Variants in FUCA2 observed in about 807,000 individuals in gnomAD.
FUCA2 encodes alpha-L-fucosidase 2.
In FUCA2, 41 loss-of-function variants were observed where a neutral mutation model predicts 52.6. That is an observed-to-expected ratio of 0.78 (90% CI 0.61 to 1.01). FUCA2 has a LOEUF of 1.01. Among genes scored for constraint, FUCA2 ranks in the 50% least tolerant of loss-of-function variants. The probability of loss-of-function intolerance (pLI) is 0.00; values close to 1 mark genes in which losing one functional copy is unlikely to be tolerated. For missense variants in FUCA2, 507 were observed against 569.5 expected (o/e 0.89, Z 1.12); for synonymous variants, 211 against 217.3 (o/e 0.97, Z 0.26).
In FUCA2 at chr6:143,503,739, C is replaced by A; in HGVS notation, c.752+174G>T. 1.8e-6 allele frequency: 1 copy of A among 543,726 alleles called. No homozygotes were observed. The highest frequency in any genetic ancestry group is 3.2e-6 in the Non-Finnish European group (1 of 315,434). 33.7% of individuals were successfully genotyped at this position (543,726 alleles called of 1,614,324 possible). ...GGATTTTACTCCTGATTTATTTACC[C>A]TTGATTATGTTGAGTAAATAGTGAT... On this transcript the variant is annotated intron_variant, in intron 3 of 6. Coordinates refer to ENST00000002165, the MANE Select transcript of FUCA2 (RefSeq NM_032020.5). This position sits in a 1 kb window ranked among gnomAD's most constrained non-coding sequence, Gnocchi z 4.8.
In FUCA2 at chr6:143,511,420, T is replaced by G; in HGVS notation, c.215A>C (p.Glu72Ala). ...AAGGGAGCGCACTCACCAGAACCACTCGCTACCGAAGCTGGGCACGGAAAA... is the reference window on the plus strand; with the variant it reads ...AAGGGAGCGCACTCACCAGAACCACGCGCTACCGAAGCTGGGCACGGAAAA... ...GVFSVPSFGSEWFWWYWQKEK... is the reference protein window; with the variant it reads ...GVFSVPSFGSAWFWWYWQKEK... Residue 72 changes from glutamate to alanine, a missense_variant, in exon 1 of 7, where the codon GAG becomes GCG. Transcript: ENST00000002165. The surrounding 1 kb of genome is among the most constrained non-coding windows in gnomAD (Gnocchi z 6.3). 6.2e-7 allele frequency: 1 copy of G among 1,610,928 alleles called. No individual in the cohort carries two copies. The highest frequency in any genetic ancestry group is 8.5e-7 in the Non-Finnish European group (1 of 1,178,402).
rs2128422184 is a variant in FUCA2, at chr6:143,504,339, T to C, written c.413-87A>G. On this transcript the variant is annotated intron_variant, in intron 2 of 6. Transcript: ENST00000002165. This position sits in a 1 kb window ranked among gnomAD's most constrained non-coding sequence, Gnocchi z 4.4. Reference sequence around the variant, plus strand: ...CACACAAATGCCCAAACAAATCACATAGTACATGCGATATATAAATACCTG... The same window carrying C: ...CACACAAATGCCCAAACAAATCACACAGTACATGCGATATATAAATACCTG... The C allele has an allele frequency of 2.7e-6, 3 of 1,095,556 alleles. No individual in the cohort carries two copies. The highest frequency in any genetic ancestry group is 1.5e-5 in the South Asian group (1 of 66,542). The allele number at this position is 1,095,556 out of a possible 1,614,324, so 67.9% of individuals were successfully genotyped here.
rs1780433677 is a variant in FUCA2, at chr6:143,494,833, T to C, written c.*874A>G. ...TTTGTACATTTGCACAATGAGTTTA[T>C]GTTTTAAGCTAAGTGTTATTACAAA... On this transcript the variant is annotated 3_prime_UTR_variant, in exon 7 of 7. Coordinates refer to ENST00000002165, the MANE Select transcript of FUCA2 (RefSeq NM_032020.5). This position sits in a 1 kb window ranked among gnomAD's most constrained non-coding sequence, Gnocchi z 6.6. 6.6e-6 allele frequency: 1 copy of C among 152,244 alleles called. No homozygotes were observed. The highest frequency in any genetic ancestry group is 2.1e-4 in the South Asian group (1 of 4,830). 9.4% of individuals were successfully genotyped at this position (152,244 alleles called of 1,614,324 possible). A position where few individuals can be genotyped will look rare whatever the true frequency, so the allele number is the denominator to read the frequency against.
Position 143,497,580 on chromosome 6 carries a change from A to G in FUCA2, c.1155-83T>C, listed in dbSNP as rs550604414. 6.5e-5 allele frequency: 46 copies of G among 709,862 alleles called. No homozygotes were observed. The highest frequency in any genetic ancestry group is 4.5e-4 in the African/African-American group (25 of 56,062). 44.0% of individuals were successfully genotyped at this position (709,862 alleles called of 1,614,324 possible). A position where few individuals can be genotyped will look rare whatever the true frequency, so the allele number is the denominator to read the frequency against. ...TATTTATGGATCAGGAACAATCTGG[A>G]ATTATTTTACAGATACTTCCACAAT... On this transcript the variant is annotated intron_variant, in intron 5 of 6. Transcript: ENST00000002165. This position sits in a 1 kb window ranked among gnomAD's most constrained non-coding sequence, Gnocchi z 5.3.
In FUCA2 at chr6:143,504,349, GAT is replaced by G; in HGVS notation, c.413-99_413-98del. ...CCCAAACAAATCACATAGTACATGC[GAT>G]ATATAAATACCTGCTCCTACAAATG... On this transcript the variant is annotated intron_variant, in intron 2 of 6. Transcript: ENST00000002165. This position sits in a 1 kb window ranked among gnomAD's most constrained non-coding sequence, Gnocchi z 4.4. 1.0e-6 allele frequency: 1 copy of G among 987,682 alleles called. No individual in the cohort carries two copies. The highest frequency in any genetic ancestry group is 1.6e-5 in the South Asian group (1 of 62,232). 61.2% of individuals were successfully genotyped at this position (987,682 alleles called of 1,614,324 possible). A position where few individuals can be genotyped will look rare whatever the true frequency, so the allele number is the denominator to read the frequency against.
chr6:143,504,714 T>C lies in FUCA2; in HGVS notation c.413-462A>G, dbSNP rs1326104912. 3 of 154,024 alleles carry C rather than the reference T, an allele frequency of 1.9e-5. No individual in the cohort carries two copies. Among genetic ancestry groups the C allele is most frequent in the Admixed American group, 1.9e-4 (3 of 15,542 alleles). 9.5% of individuals were successfully genotyped at this position (154,024 alleles called of 1,614,324 possible). ...ATCCTGAGATGCACTCCTGCAAGAT[T>C]CTTAGTGTCTTCTAAACCAAAGCTT... On this transcript the variant is annotated intron_variant, in intron 2 of 6. Coordinates refer to ENST00000002165, the MANE Select transcript of FUCA2 (RefSeq NM_032020.5). The surrounding 1 kb of genome is among the most constrained non-coding windows in gnomAD (Gnocchi z 4.4).
At position 143,511,678 on chromosome 6, in the gene FUCA2, C is replaced by T. The variant is rs1780687678; in HGVS notation, c.-44G>A. 2.1e-6 allele frequency: 3 copies of T among 1,421,552 alleles called. No individual in the cohort carries two copies. The highest frequency in any genetic ancestry group is 1.5e-5 in the South Asian group (1 of 66,662). 88.1% of individuals were successfully genotyped at this position (1,421,552 alleles called of 1,614,324 possible). On this transcript the variant is annotated 5_prime_UTR_variant, in exon 1 of 7. Transcript: ENST00000002165. This position sits in a 1 kb window ranked among gnomAD's most constrained non-coding sequence, Gnocchi z 6.3. The stretch of plus-strand genomic sequence containing the variant: ...TGTCCTCTCTGCAGGCTCCCGCGGC[C>T]TCGGGAGCGCTGTTCTTCCGTCTCT...
rs1159097668 is a variant in FUCA2, at chr6:143,511,431, G to A, written c.204C>T (p.Ser68=). The A allele has an allele frequency of 6.2e-7, 1 of 1,611,800 alleles. No individual in the cohort carries two copies. The highest frequency in any genetic ancestry group is 1.1e-5 in the South Asian group (1 of 90,662). The part of the protein sequence containing the change: ...FIHWGVFSVP[S]FGSEWFWWYW... ...CTCACCAGAACCACTCGCTACCGAA[G>A]CTGGGCACGGAAAACACTCCCCAGT... The change falls in exon 1 of 7, where the codon AGC becomes AGT. Residue 68 remains serine (S), a synonymous_variant. Transcript: ENST00000002165. The surrounding 1 kb of genome is among the most constrained non-coding windows in gnomAD (Gnocchi z 6.3).
In FUCA2 at chr6:143,504,331, A is replaced by C. The variant is rs1356124082; in HGVS notation, c.413-79T>G. The C allele has an allele frequency of 5.0e-6, 6 of 1,203,600 alleles. No individual in the cohort carries two copies. In the East Asian group the frequency reaches 1.4e-4, roughly 28 times the overall value. The allele number at this position is 1,203,600 out of a possible 1,614,324, so 74.6% of individuals were successfully genotyped here. A position where few individuals can be genotyped will look rare whatever the true frequency, so the allele number is the denominator to read the frequency against. On this transcript the variant is annotated intron_variant, in intron 2 of 6. Coordinates refer to ENST00000002165, the MANE Select transcript of FUCA2 (RefSeq NM_032020.5). The surrounding 1 kb of genome is among the most constrained non-coding windows in gnomAD (Gnocchi z 4.4). ...TTTCAACCCACACAAATGCCCAAACAAATCACATAGTACATGCGATATATA... is the reference window on the plus strand; with the variant it reads ...TTTCAACCCACACAAATGCCCAAACCAATCACATAGTACATGCGATATATA...
At position 143,511,337 on chromosome 6, in the gene FUCA2, C is replaced by G; in HGVS notation, c.224+74G>C. On this transcript the variant is annotated intron_variant, in intron 1 of 6. Coordinates refer to ENST00000002165, the MANE Select transcript of FUCA2 (RefSeq NM_032020.5). The surrounding 1 kb of genome is among the most constrained non-coding windows in gnomAD (Gnocchi z 6.3). ...AGGCAGCACCAGGCGGCGAACCAGG[C>G]CCGCTGGGTGGTGGCTGGAGGCTGC... is the stretch of plus-strand genomic sequence containing the variant. The G allele has an allele frequency of 7.1e-7, 1 of 1,406,298 alleles. No individual in the cohort carries two copies. The highest frequency in any genetic ancestry group is 1.4e-5 in the African/African-American group (1 of 68,976). The allele number at this position is 1,406,298 out of a possible 1,614,324, so 87.1% of individuals were successfully genotyped here. A position where few individuals can be genotyped will look rare whatever the true frequency, so the allele number is the denominator to read the frequency against.
rs79184916 is a variant in FUCA2 at position 143,502,607 on chromosome 6, C to T, written c.753-42G>A. ...AATTTTTTAAAACAAAAGGTATAAG[C>T]TTTTTATACAAAAAGAAATGTCACT... On this transcript the variant is annotated intron_variant, in intron 3 of 6. Coordinates refer to ENST00000002165, the MANE Select transcript of FUCA2 (RefSeq NM_032020.5). This position sits in a 1 kb window ranked among gnomAD's most constrained non-coding sequence, Gnocchi z 4.1. The T allele has an allele frequency of 2.3e-3, 3,484 of 1,500,626 alleles. 64 individuals are homozygous for T. The African/African-American group carries it at 0.039, about 17-fold the overall frequency. 93.0% of individuals were successfully genotyped at this position (1,500,626 alleles called of 1,614,324 possible). A position where few individuals can be genotyped will look rare whatever the true frequency, so the allele number is the denominator to read the frequency against.
rs1211355237 is a variant in FUCA2 at position 143,502,317 on chromosome 6, G to T, written c.963+38C>A. On this transcript the variant is annotated intron_variant, in intron 4 of 6. Coordinates refer to ENST00000002165, the MANE Select transcript of FUCA2 (RefSeq NM_032020.5). The surrounding 1 kb of genome is among the most constrained non-coding windows in gnomAD (Gnocchi z 4.1). Reference sequence around the variant, plus strand: ...AATTCCTACATGACCACACTATTAAGAATATTATGTTAATAGCCACCAGAC... The same window carrying T: ...AATTCCTACATGACCACACTATTAATAATATTATGTTAATAGCCACCAGAC... 38 of 1,568,272 alleles carry T rather than the reference G, an allele frequency of 2.4e-5. No homozygotes were observed. The highest frequency in any genetic ancestry group is 4.1e-5 in the African/African-American group (3 of 73,770).
At position 143,504,710 on chromosome 6, in the gene FUCA2, A is replaced by G. The variant is rs1256567480; in HGVS notation, c.413-458T>C. The G allele has an allele frequency of 6.5e-6, 1 of 154,280 alleles. No individual in the cohort carries two copies. The allele number at this position is 154,280 out of a possible 1,614,324, so 9.6% of individuals were successfully genotyped here. A position where few individuals can be genotyped will look rare whatever the true frequency, so the allele number is the denominator to read the frequency against. On this transcript the variant is annotated intron_variant, in intron 2 of 6. Transcript: ENST00000002165. This position sits in a 1 kb window ranked among gnomAD's most constrained non-coding sequence, Gnocchi z 4.4. ...GAAGATCCTGAGATGCACTCCTGCA[A>G]GATTCTTAGTGTCTTCTAAACCAAA... is the stretch of plus-strand genomic sequence containing the variant.
At position 143,511,326 on chromosome 6, in the gene FUCA2, G is replaced by C; in HGVS notation, c.224+85C>G. ...GACGAGGGTGCAGGCAGCACCAGGCGGCGAACCAGGCCCGCTGGGTGGTGG... is the reference window on the plus strand; with the variant it reads ...GACGAGGGTGCAGGCAGCACCAGGCCGCGAACCAGGCCCGCTGGGTGGTGG... On this transcript the variant is annotated intron_variant, in intron 1 of 6. Coordinates refer to ENST00000002165, the MANE Select transcript of FUCA2 (RefSeq NM_032020.5). The surrounding 1 kb of genome is among the most constrained non-coding windows in gnomAD (Gnocchi z 6.3). 1.5e-6 allele frequency: 2 copies of C among 1,299,918 alleles called. No individual in the cohort carries two copies. 80.5% of individuals were successfully genotyped at this position (1,299,918 alleles called of 1,614,324 possible).
chr6:143,495,142 A>T lies in FUCA2; in HGVS notation c.*565T>A, dbSNP rs1780438098. On this transcript the variant is annotated 3_prime_UTR_variant, in exon 7 of 7. Coordinates refer to ENST00000002165, the MANE Select transcript of FUCA2 (RefSeq NM_032020.5). This position sits in a 1 kb window ranked among gnomAD's most constrained non-coding sequence, Gnocchi z 5.2. ...TTTACTGTACCTTCTCTATGTTTCC[A>T]TATGTTTCGATATACAAATACCACT... 3 of 152,176 alleles carry T rather than the reference A, an allele frequency of 2.0e-5. No individual in the cohort carries two copies. The highest frequency in any genetic ancestry group is 2.0e-4 in the Admixed American group (3 of 15,266). 9.4% of individuals were successfully genotyped at this position (152,176 alleles called of 1,614,324 possible). A position where few individuals can be genotyped will look rare whatever the true frequency, so the allele number is the denominator to read the frequency against.
chr6:143,507,100 G>A lies in FUCA2; in HGVS notation c.412+137C>T. The A allele has an allele frequency of 1.4e-6, 1 of 716,684 alleles. No individual in the cohort carries two copies. The highest frequency in any genetic ancestry group is 2.9e-5 in the East Asian group (1 of 34,042). 44.4% of individuals were successfully genotyped at this position (716,684 alleles called of 1,614,324 possible). A position where few individuals can be genotyped will look rare whatever the true frequency, so the allele number is the denominator to read the frequency against. ...TTTGGGTTGAATGTGCAGTCCCTAA[G>A]TCATAAGCAAGTGCCAGTCACCACT... On this transcript the variant is annotated intron_variant, in intron 2 of 6. Transcript: ENST00000002165. The surrounding 1 kb of genome is among the most constrained non-coding windows in gnomAD (Gnocchi z 4.5).
Position 143,504,399 on chromosome 6 carries a change from A to G in FUCA2, c.413-147T>C, listed in dbSNP as rs1358020331. 5.9e-6 allele frequency: 4 copies of G among 681,174 alleles called. No homozygotes were observed. The highest frequency in any genetic ancestry group is 3.6e-5 in the African/African-American group (2 of 55,312). 42.2% of individuals were successfully genotyped at this position (681,174 alleles called of 1,614,324 possible). A position where few individuals can be genotyped will look rare whatever the true frequency, so the allele number is the denominator to read the frequency against. ...ATGACTGTTTTATGGCCATTTTTTC[A>G]TAGCATATATTGTGCTTTTATATGA... On this transcript the variant is annotated intron_variant, in intron 2 of 6. Transcript: ENST00000002165. This position sits in a 1 kb window ranked among gnomAD's most constrained non-coding sequence, Gnocchi z 4.4.
chr6:143,504,179 G>A lies in FUCA2; in HGVS notation c.486C>T (p.Val162=). 1.2e-6 allele frequency: 2 copies of A among 1,614,152 alleles called. No homozygotes were observed. The highest frequency in any genetic ancestry group is 1.7e-5 in the Admixed American group (1 of 60,016). Residue 162 remains valine (V), a synonymous_variant, in exon 3 of 7, where the codon GTC becomes GTT. Coordinates refer to ENST00000002165, the MANE Select transcript of FUCA2 (RefSeq NM_032020.5). This position sits in a 1 kb window ranked among gnomAD's most constrained non-coding sequence, Gnocchi z 4.4. ...AIDEGPKRDI[V]KELEVAIRNR... is the part of the protein sequence containing the mutation. ...TCCTAATGGCTACCTCAAGTTCCTT[G>A]ACAATGTCCCTCTTGGGCCCCTCAT...
At position 143,507,325 on chromosome 6, in the gene FUCA2, T is replaced by C; in HGVS notation, c.324A>G (p.Thr108=). ...FKYEDFGPLF[T]AKFFNANQWA... Reference sequence around the variant, plus strand: ...ACTGGTTGGCATTAAAAAATTTTGCTGTAAATAGTGGTCCAAAATCTTCAT... The same window carrying C: ...ACTGGTTGGCATTAAAAAATTTTGCCGTAAATAGTGGTCCAAAATCTTCAT... Residue 108 remains threonine (T), a synonymous_variant, in exon 2 of 7, where the codon ACA becomes ACG. Transcript: ENST00000002165. This position sits in a 1 kb window ranked among gnomAD's most constrained non-coding sequence, Gnocchi z 4.5. 1 of 1,610,348 alleles carries C rather than the reference T, an allele frequency of 6.2e-7. No homozygotes were observed. The highest frequency in any genetic ancestry group is 1.1e-5 in the South Asian group (1 of 89,618).
Sources: gnomAD v4.1 joint callset for allele counts on GRCh38, gnomAD v4.1.1 for gene constraint, Gnocchi (gnomAD v3.1) non-coding constraint, MANE v1.5 for transcripts, NCBI Gene and HGNC (gene_info 2026-07-23, HGNC 2026-07-21) for gene names.